RNF216: variants seen among roughly 807,000 people sequenced by gnomAD.
RNF216 encodes ring finger protein 216.
RNF216 carries 72 observed loss-of-function variants against 110.8 expected under a neutral mutation model. That is an observed-to-expected ratio of 0.65 (90% CI 0.54 to 0.79). The LOEUF (loss-of-function observed/expected upper bound fraction) is 0.79. Ranked by LOEUF, RNF216 falls within the 30% of genes least tolerant of loss-of-function variation. RNF216 has a pLI of 0.00. For missense variants in RNF216, 1,342 were observed against 1,141.2 expected, an observed-to-expected ratio of 1.18 and a Z score of -2.54; for synonymous variants, 495 against 407.5, an observed-to-expected ratio of 1.21 and a Z score of -2.59.
At chr7:5,693,076 C>T (rs1485765134) in intron 13 of RNF216, among the ~76,000 whole-genome samples, 1 of 152,212 alleles carries the variant, frequency 6.6e-6, no homozygotes, top group Admixed American at 6.5e-5. Context: ...ATTTGCACAA[C>T]GGGATTCCAC....
At chr7:5,682,039 C>T (rs1790684669) in intron 13 of RNF216, among the ~76,000 whole-genome samples, 1 of 152,234 alleles carries the variant, frequency 6.6e-6, no homozygotes, top group South Asian at 2.1e-4. Flanking sequence ...TGGCCGGCTG[C>T]TGCCTCTTCT....
At chr7:5,781,161 C>A (rs1272724119) in intron 1 of RNF216, among the ~76,000 whole-genome samples, 3 of 152,128 alleles carry the variant, frequency 2.0e-5, no homozygotes, top group African/African-American at 4.8e-5. Context: ...CTCCTCCAGG[C>A]CGCGCTCGGG....
chr7:5,716,825 T>C (rs1793094807), intron 9 of RNF216, 59 bp from the exon 10 acceptor site: 2 of 1,300,194 alleles, frequency 1.5e-6, no homozygotes, highest in Non-Finnish European at 1.1e-6. Flanking sequence ...ACACTAACCA[T>C]TTAGTATTTA....
At chr7:5,751,557 G>T (rs1457222315) in intron 3 of RNF216, among the ~76,000 whole-genome samples, 1 of 152,010 alleles carries the variant, frequency 6.6e-6, no homozygotes, top group Non-Finnish European at 1.5e-5. Flanking sequence ...GAATCATAAT[G>T]AATTTCCCTC....
chr7:5,658,242 CAGCCATTAA>C (rs765057816), intron 13 of RNF216, among the ~76,000 whole-genome samples: 3 of 152,292 alleles, frequency 2.0e-5, no homozygotes, highest in Non-Finnish European at 4.4e-5. Context: ...CCAGCAATGA[CAGCCATTAA>C]AGCCAAGTAT....
intron 7 of RNF216, among the ~76,000 whole-genome samples, chr7:5,726,471 T>A (rs906715456): frequency 2.0e-5 from 3 of 152,196 alleles, no homozygotes; most frequent in African/African-American, 7.2e-5. Context: ...TGTAACAGGA[T>A]GCTGGAGTTC....
intron 13 of RNF216, among the ~76,000 whole-genome samples, chr7:5,693,585 G>T (rs1293506534): frequency 6.6e-6 from 1 of 152,200 alleles, no homozygotes; most frequent in East Asian, 1.9e-4. Flanking sequence ...CTTAAAGAGG[G>T]AACTTCAGAG....
rs772623870 is a variant in RNF216 at position 5,624,066 on chromosome 7, T to C, written c.2442A>G (p.Arg814=). ...IQKEAEEEQK[R]KNGENTFKRI... ...GGGAGGGGCACTTGCCTCCATTCTT[T>C]CTTTTCTGTTCCTCTTCAGCCTCCT... The change falls in exon 16 of 17, where the codon AGA becomes AGG. Residue 814 remains arginine, a synonymous_variant. Transcript: ENST00000389902. This position sits in a 1 kb window ranked among gnomAD's most constrained non-coding sequence, Gnocchi z 4.4. 3.7e-6 allele frequency: 6 copies of C among 1,613,534 alleles called. No homozygotes were observed. Among genetic ancestry groups the C allele is most frequent in the African/African-American group, 1.3e-5 (1 of 74,910 alleles).
chr7:5,711,646 C>T, intron 13 of RNF216, 115 bp downstream of exon 13: 3 of 793,554 alleles, frequency 3.8e-6, no homozygotes, highest in Non-Finnish European at 6.3e-6. Flanking sequence ...AAAAGGAAAG[C>T]ACTCAAATCC....
chr7:5,738,107 A>G (rs1288285121), intron 5 of RNF216, among the ~76,000 whole-genome samples: 2 of 74,868 alleles, frequency 2.7e-5, no homozygotes, highest in Non-Finnish European at 6.4e-5. Flanking sequence ...AAAAAAAAAA[A>G]AAAAAAAAAA....
At chr7:5,768,561 G>A (rs1003112818) in intron 1 of RNF216, among the ~76,000 whole-genome samples, 3 of 151,962 alleles carry the variant, frequency 2.0e-5, no homozygotes, top group South Asian at 4.1e-4. Context: ...TGTATGCCAT[G>A]CCGTAACAAA....
At chr7:5,672,605 TC>T (rs1789988652) in intron 13 of RNF216, among the ~76,000 whole-genome samples, 1 of 152,196 alleles carries the variant, frequency 6.6e-6, no homozygotes, top group African/African-American at 2.4e-5. Context: ...TACATTTTTA[TC>T]CACTTACATA....
At chr7:5,728,124 C>T (rs1468111532) in intron 7 of RNF216, among the ~76,000 whole-genome samples, 1 of 152,048 alleles carries the variant, frequency 6.6e-6, no homozygotes, top group Non-Finnish European at 1.5e-5. Context: ...TAGTTCTCAC[C>T]CCAATAAATG....
intron 9 of RNF216, among the ~76,000 whole-genome samples, chr7:5,718,022 A>G (rs1254114868): frequency 6.6e-6 from 1 of 152,166 alleles, no homozygotes; most frequent in Non-Finnish European, 1.5e-5. Context: ...AAATACGTAT[A>G]CTTATTTGCT....
At chr7:5,771,982 C>T (rs573685435) in intron 1 of RNF216, among the ~76,000 whole-genome samples, 63 of 152,264 alleles carry the variant, frequency 4.1e-4, no homozygotes, top group Non-Finnish European at 8.1e-4. Context: ...GCCTGTAATC[C>T]CAGCACTTTG....
intron 1 of RNF216, among the ~76,000 whole-genome samples, chr7:5,767,379 T>C (rs1378645058): frequency 6.6e-6 from 1 of 152,042 alleles, no homozygotes; most frequent in Non-Finnish European, 1.5e-5. Flanking sequence ...GAGTTGAAGG[T>C]CAGAGTTTGG....
chr7:5,627,136 C>A (rs1242589443), intron 15 of RNF216, among the ~76,000 whole-genome samples: 2 of 152,188 alleles, frequency 1.3e-5, no homozygotes, highest in Non-Finnish European at 2.9e-5. Flanking sequence ...TCATTCCAAC[C>A]TCTGTAGCAC....
At chr7:5,678,567 C>T (rs574276700) in intron 13 of RNF216, among the ~76,000 whole-genome samples, 1 of 152,320 alleles carries the variant, frequency 6.6e-6, no homozygotes, top group East Asian at 1.9e-4. Flanking sequence ...AGGTGAGTGA[C>T]CTCACCTCTC....
chr7:5,636,403 G>T (rs1218815045), intron 15 of RNF216, among the ~76,000 whole-genome samples: 1 of 152,192 alleles, frequency 6.6e-6, no homozygotes, highest in Non-Finnish European at 1.5e-5. Context: ...CACCACTTGA[G>T]CTCTTACTGT....
Sources: allele counts gnomAD v4.1 joint callset (sites outside exome capture counted in the v4.1 genomes callset), GRCh38; gene constraint gnomAD v4.1.1; non-coding constraint Gnocchi (gnomAD v3.1); transcripts MANE v1.5; gene names NCBI Gene and HGNC (gene_info 2026-07-23, HGNC 2026-07-21).